Variants in CDH12 observed in about 807,000 individuals in gnomAD.
CDH12 encodes cadherin 12, also known as cadherin-12.
CDH12 carries 41 observed loss-of-function variants against 74.1 expected under a neutral mutation model. The observed-to-expected ratio is 0.55, with a 90% CI of 0.43 to 0.72. The LOEUF (loss-of-function observed/expected upper bound fraction) is 0.72, where lower values mean the gene tolerates loss of function less well. Among genes scored for constraint, CDH12 ranks in the 30% least tolerant of loss-of-function variants. CDH12 has a pLI of 0.00. For synonymous variants in CDH12, 399 were observed against 355.0 expected, an observed-to-expected ratio of 1.12 and a Z score of -1.39; for missense variants, 945 against 977.2, an observed-to-expected ratio of 0.97 and a Z score of 0.44.
chr5:21,770,442 G>T (rs1329277692), intron 11 of CDH12, among the ~76,000 whole-genome samples: 1 of 151,950 alleles, frequency 6.6e-6, no homozygotes, highest in African/African-American at 2.4e-5. Flanking sequence ...TGGCCAACAT[G>T]GTGAAACCCC....
At chr5:21,791,805 C>T (rs1746514833) in intron 10 of CDH12, among the ~76,000 whole-genome samples, 1 of 151,670 alleles carries the variant, frequency 6.6e-6, no homozygotes, top group South Asian at 2.1e-4. Context: ...TTCAGAAACG[C>T]CTTTAAAATT....
chr5:21,812,268 T>C (rs2149938272), intron 9 of CDH12, among the ~76,000 whole-genome samples: 1 of 152,212 alleles, frequency 6.6e-6, no homozygotes, highest in Non-Finnish European at 1.5e-5. Flanking sequence ...TATTCAAATG[T>C]AGAATATATA....
At chr5:22,320,163 A>G (rs1738807340) in intron 3 of CDH12, among the ~76,000 whole-genome samples, 1 of 152,220 alleles carries the variant, frequency 6.6e-6, no homozygotes, top group Non-Finnish European at 1.5e-5. Flanking sequence ...TGGAAAAATC[A>G]GAAAACTAGA....
rs986941263 is a variant in CDH12, at chr5:22,289,410, C to T, written c.-332-76767G>A. 2.2e-4 allele frequency among the ~76,000 whole-genome samples: 33 copies of T among 152,198 alleles called. 1 individual carries two copies. The highest frequency in any genetic ancestry group is 7.7e-4 in the African/African-American group (32 of 41,516). ...ATCTGTTCATCAAGAATGCCATATA[C>T]AGCCAATTGTTATAATTCTAGTTTA... On this transcript the variant is annotated intron_variant, in intron 3 of 14. Coordinates refer to ENST00000382254, the MANE Select transcript of CDH12 (RefSeq NM_004061.5).
At chr5:22,201,314 G>A (rs1177941439) in intron 4 of CDH12, among the ~76,000 whole-genome samples, 2 of 152,156 alleles carry the variant, frequency 1.3e-5, no homozygotes, top group Admixed American at 6.5e-5. Flanking sequence ...GAAATGTGGT[G>A]TATATACAAA....
intron 1 of CDH12, among the ~76,000 whole-genome samples, chr5:22,509,445 C>T (rs1056023656): frequency 2.6e-5 from 4 of 152,148 alleles, no homozygotes; most frequent in Non-Finnish European, 4.4e-5. Context: ...CTTTCAGTGA[C>T]ATTAACTTTC....
chr5:22,248,066 G>T (rs1451498390), intron 3 of CDH12, among the ~76,000 whole-genome samples: 1 of 152,166 alleles, frequency 6.6e-6, no homozygotes, highest in Non-Finnish European at 1.5e-5. Flanking sequence ...GGAGGCCGAG[G>T]TTTGTGGATC....
intron 5 of CDH12, among the ~76,000 whole-genome samples, chr5:22,048,535 A>G (rs143693905): frequency 0.011 from 1,635 of 152,252 alleles, 18 homozygotes; most frequent in Non-Finnish European, 0.018. Context: ...AGTCATATTG[A>G]ATGGCGGGGA....
In CDH12 at chr5:22,517,943, A is replaced by T. The variant is rs1056264949; in HGVS notation, c.-522-12579T>A. ...TTACAAATGGCTGGCTTCCAACCTC[A>T]ACTGGGCGTTCATGTTTCTCAGCAA... On this transcript the variant is annotated intron_variant, in intron 1 of 14. Transcript: ENST00000382254. 2.6e-5 allele frequency among the ~76,000 whole-genome samples: 4 copies of T among 152,176 alleles called. No individual in the cohort carries two copies. The East Asian group carries it at 7.7e-4, about 29-fold the overall frequency.
At chr5:22,397,144 A>G (rs758870871) in intron 3 of CDH12, among the ~76,000 whole-genome samples, 25 of 152,106 alleles carry the variant, frequency 1.6e-4, no homozygotes, top group Non-Finnish European at 3.2e-4. Context: ...ATTAAGATGT[A>G]GCCGGTGGAA....
At chr5:22,703,477 G>A (rs1053962161) in intron 1 of CDH12, among the ~76,000 whole-genome samples, 5 of 152,116 alleles carry the variant, frequency 3.3e-5, no homozygotes, top group Admixed American at 6.6e-5. Context: ...TTTTAAAACA[G>A]CATTTTAAGA....
In CDH12 at chr5:22,751,339, C is replaced by CATAT. The variant is rs10616177; in HGVS notation, c.-523+101715_-523+101718dup. ...AACTGTGATATATATATATAATATA[C>CATAT]ATATATATATATATATATAATATCT... On this transcript the variant is annotated intron_variant, in intron 1 of 14. Transcript: ENST00000382254. Among the ~76,000 whole-genome samples the CATAT allele has an allele frequency of 1.0e-3, 149 of 145,244 alleles. 1 individual carries two copies. The highest frequency in any genetic ancestry group is 3.5e-3 in the African/African-American group (139 of 39,978).
At chr5:21,760,827 A>G in intron 12 of CDH12, 152 bp from the exon 13 acceptor site, 1 of 635,864 alleles carries the variant, frequency 1.6e-6, no homozygotes, top group South Asian at 1.8e-5. Flanking sequence ...CATAATGTTT[A>G]TAAACAAATT....
chr5:22,317,151 C>T (rs1738668208), intron 3 of CDH12, among the ~76,000 whole-genome samples: 1 of 152,046 alleles, frequency 6.6e-6, no homozygotes, highest in South Asian at 2.1e-4. Flanking sequence ...AACCCCGTCT[C>T]TACTAAAAAT....
At chr5:22,653,164 C>A (rs143402181) in intron 1 of CDH12, among the ~76,000 whole-genome samples, 1 of 152,264 alleles carries the variant, frequency 6.6e-6, no homozygotes, top group East Asian at 1.9e-4. Context: ...CTCTTCACCA[C>A]AGCTTGGCAT....
intron 1 of CDH12, among the ~76,000 whole-genome samples, chr5:22,603,536 G>C (rs1231016947): frequency 1.3e-5 from 2 of 152,130 alleles, no homozygotes; most frequent in Non-Finnish European, 2.9e-5. Flanking sequence ...CTAAATATCA[G>C]GGAAATAAGA....
intron 3 of CDH12, among the ~76,000 whole-genome samples, chr5:22,248,416 A>G (rs2150385803): frequency 6.6e-6 from 1 of 152,318 alleles, no homozygotes; most frequent in Admixed American, 6.5e-5. Flanking sequence ...GAGTATTTTC[A>G]GAATCCTTGA....
intron 6 of CDH12, among the ~76,000 whole-genome samples, chr5:21,964,906 T>C (rs539186520): frequency 7.8e-4 from 119 of 152,100 alleles, no homozygotes; most frequent in African/African-American, 2.7e-3. Context: ...ATAAGAAATA[T>C]AGGTAGTAAA....
At chr5:22,660,521 C>T (rs1168898691) in intron 1 of CDH12, among the ~76,000 whole-genome samples, 1 of 152,224 alleles carries the variant, frequency 6.6e-6, no homozygotes, top group Admixed American at 6.5e-5. Context: ...GAGGGATCCT[C>T]TCGTCTCAGC....
Sources: gnomAD v4.1 joint callset for allele counts (sites outside exome capture counted in the v4.1 genomes callset) on GRCh38, gnomAD v4.1.1 for gene constraint, MANE v1.5 for transcripts, NCBI Gene and HGNC (gene_info 2026-07-23, HGNC 2026-07-21) for gene names.